Variants in CNTN4 observed in about 807,000 individuals in gnomAD.
CNTN4 encodes the protein contactin 4.
A neutral mutation model predicts 122.5 loss-of-function variants in CNTN4; 77 were observed. The observed-to-expected ratio is 0.63, with a 90% CI of 0.52 to 0.76. The LOEUF is 0.76. CNTN4 is among the 30% of genes least tolerant of loss of function. The probability of loss-of-function intolerance (pLI) is 0.00; values close to 1 mark genes in which losing one functional copy is unlikely to be tolerated. For synonymous variants in CNTN4, 512 were observed against 447.0 expected, an observed-to-expected ratio of 1.15 and a Z score of -1.83; for missense variants, 1,256 against 1,259.1, an observed-to-expected ratio of 1.00 and a Z score of 0.04.
At chr3:2,596,796 C>G (rs1009013333) in intron 4 of CNTN4, among the ~76,000 whole-genome samples, 14 of 152,234 alleles carry the variant, frequency 9.2e-5, no homozygotes, top group Non-Finnish European at 1.8e-4. Context: ...TAAGGCCATT[C>G]TATCCATGTA....
chr3:2,138,959 C>T (rs2034846595), intron 2 of CNTN4, among the ~76,000 whole-genome samples: 1 of 152,084 alleles, frequency 6.6e-6, no homozygotes, highest in African/African-American at 2.4e-5. Context: ...AAAGCAAAGA[C>T]AGTTTGTATG....
chr3:2,196,099 C>T (rs556770778), intron 2 of CNTN4, among the ~76,000 whole-genome samples: 22 of 152,240 alleles, frequency 1.4e-4, no homozygotes, highest in African/African-American at 5.3e-4. Context: ...ATTCAGAAGA[C>T]CCTAATTTAT....
At chr3:2,576,704 C>T (rs540849804) in intron 4 of CNTN4, among the ~76,000 whole-genome samples, 9 of 152,176 alleles carry the variant, frequency 5.9e-5, no homozygotes, top group Middle Eastern at 3.4e-3. Flanking sequence ...CCTACCACCA[C>T]GCCCAGCTAG....
chr3:2,287,252 T>C (rs2041933998), intron 2 of CNTN4, among the ~76,000 whole-genome samples: 1 of 152,156 alleles, frequency 6.6e-6, no homozygotes, highest in South Asian at 2.1e-4. Flanking sequence ...GTGAAAAATA[T>C]GCTAGTTTTT....
intron 7 of CNTN4, among the ~76,000 whole-genome samples, chr3:2,819,825 A>C (rs549247611): frequency 6.6e-6 from 1 of 152,328 alleles, no homozygotes; most frequent in African/African-American, 2.4e-5. Flanking sequence ...TGAGTCGATC[A>C]AAATCATAAT....
rs142171084 is a variant in CNTN4 at position 3,035,438 on chromosome 3, G to T, written c.1942+648G>T. On this transcript the variant is annotated intron_variant, in intron 17 of 24. Transcript: ENST00000418658. ...CTAAAATCATCTGTGTAGCACTGTG[G>T]TTCACTTTGGAAAGCAGCGGATTCT... Among the ~76,000 whole-genome samples the T allele has an allele frequency of 4.4e-3, 669 of 152,262 alleles. 7 individuals are homozygous for T. Among genetic ancestry groups the T allele is most frequent in the African/African-American group, 0.015 (640 of 41,538 alleles).
intron 5 of CNTN4, 113 bp from the exon 6 acceptor site, chr3:2,745,409 A>G: frequency 1.1e-6 from 1 of 921,232 alleles, no homozygotes; most frequent in Admixed American, 1.9e-5. Flanking sequence ...CATGCTTTTT[A>G]CAAAAGTCAC....
intron 13 of CNTN4, among the ~76,000 whole-genome samples, chr3:2,962,476 A>G (rs972627196): frequency 5.9e-5 from 9 of 152,218 alleles, no homozygotes; most frequent in Non-Finnish European, 1.3e-4. Context: ...TATTGGAAGG[A>G]TATGAGGGAC....
At chr3:2,837,800 G>A (rs920598084) in intron 7 of CNTN4, among the ~76,000 whole-genome samples, 4 of 152,130 alleles carry the variant, frequency 2.6e-5, no homozygotes, top group African/African-American at 7.2e-5. Flanking sequence ...TCAGTGGTCC[G>A]CAGCCTGCAA....
intron 3 of CNTN4, among the ~76,000 whole-genome samples, chr3:2,506,015 C>CTT (rs144332094): frequency 1.2e-4 from 18 of 149,530 alleles, no homozygotes; most frequent in Non-Finnish European, 2.4e-4. Flanking sequence ...CAGACACTCG[C>CTT]TTTTTTTTTT....
intron 2 of CNTN4, among the ~76,000 whole-genome samples, chr3:2,227,355 A>G (rs2039325418): frequency 6.6e-6 from 1 of 152,194 alleles, no homozygotes; most frequent in South Asian, 2.1e-4. Context: ...AGAGCAAGTA[A>G]TATGAACCTC....
chr3:2,999,760 G>A (rs1208445657), intron 14 of CNTN4, among the ~76,000 whole-genome samples: 1 of 152,174 alleles, frequency 6.6e-6, no homozygotes, highest in Non-Finnish European at 1.5e-5. Flanking sequence ...CTTCTTAATA[G>A]TGTTGCATTA....
chr3:2,857,623 G>T (rs191200048), intron 7 of CNTN4, among the ~76,000 whole-genome samples: 6 of 152,164 alleles, frequency 3.9e-5, no homozygotes, highest in Non-Finnish European at 7.4e-5. Context: ...TGTTGGCCAG[G>T]CTGGAGTAAA....
intron 4 of CNTN4, among the ~76,000 whole-genome samples, chr3:2,635,939 C>A (rs1271221516): frequency 6.6e-6 from 1 of 152,140 alleles, no homozygotes; most frequent in Non-Finnish European, 1.5e-5. Flanking sequence ...TAACCGAGCA[C>A]CTGCTTCCTG....
chr3:2,359,814 G>T (rs987087005), intron 3 of CNTN4, among the ~76,000 whole-genome samples: 2 of 152,130 alleles, frequency 1.3e-5, no homozygotes, highest in Non-Finnish European at 2.9e-5. Flanking sequence ...GCTGGGATTA[G>T]GGTCGAGAGC....
chr3:3,023,084 G>A (rs768770308), intron 14 of CNTN4, among the ~76,000 whole-genome samples: 5 of 152,126 alleles, frequency 3.3e-5, no homozygotes, highest in Admixed American at 1.3e-4. Context: ...TGTATACAGG[G>A]TTTGTATTCA....
At position 2,655,760 on chromosome 3, in the gene CNTN4, A is replaced by G. The variant is rs574458884; in HGVS notation, c.56-80455A>G. Among the ~76,000 whole-genome samples the G allele has an allele frequency of 2.0e-3, 303 of 152,284 alleles. 1 individual carries two copies. The highest frequency in any genetic ancestry group is 1.3e-3 in the Non-Finnish European group (86 of 68,006). On this transcript the variant is annotated intron_variant, in intron 4 of 24. Transcript: ENST00000418658. ...GAACATGAATATTTTGACATCTAGTAGTAGCCTAGTGCCTCTTTGCCAGAA... is the reference window on the plus strand; with the variant it reads ...GAACATGAATATTTTGACATCTAGTGGTAGCCTAGTGCCTCTTTGCCAGAA...
chr3:2,601,059 T>G (rs1157144815), intron 4 of CNTN4, among the ~76,000 whole-genome samples: 1 of 152,238 alleles, frequency 6.6e-6, no homozygotes, highest in African/African-American at 2.4e-5. Flanking sequence ...TTGTATTTTT[T>G]CTTGTAAATT....
intron 6 of CNTN4, among the ~76,000 whole-genome samples, chr3:2,815,501 C>T (rs1452594069): frequency 6.6e-6 from 1 of 152,132 alleles, no homozygotes; most frequent in Non-Finnish European, 1.5e-5. Flanking sequence ...TGCTCAACAT[C>T]ACTAATGATC....
Sources: allele counts gnomAD v4.1 joint callset (sites outside exome capture counted in the v4.1 genomes callset), GRCh38; gene constraint gnomAD v4.1.1; transcripts MANE v1.5; gene names NCBI Gene and HGNC (gene_info 2026-07-23, HGNC 2026-07-21).